FRAT1: variants seen among roughly 807,000 people sequenced by gnomAD.
FRAT1 encodes FRAT regulator of Wnt signaling pathway 1.
A neutral mutation model predicts 16.9 loss-of-function variants in FRAT1; 9 were observed. The observed-to-expected ratio is 0.53, with a 90% CI of 0.32 to 0.93. The LOEUF (loss-of-function observed/expected upper bound fraction) is 0.93. FRAT1 is among the 40% of genes least tolerant of loss of function. The pLI is 0.04. For synonymous variants in FRAT1, 191 were observed against 202.1 expected (o/e 0.95, Z 0.46); for missense variants, 354 against 402.8 (o/e 0.88, Z 1.04).
At position 97,321,639 on chromosome 10, in the gene FRAT1, T is replaced by A. The variant is rs780550651; in HGVS notation, c.*1346T>A. ...GAAGTGCTTGGAACATACTGTTCAC[T>A]CACTCTAAAGGCGCTGAGACTGTGC... On this transcript the variant is annotated 3_prime_UTR_variant, in exon 1 of 1. Transcript: ENST00000371021. 2 of 167,124 alleles carry A rather than the reference T, an allele frequency of 1.2e-5. No homozygotes were observed. The highest frequency in any genetic ancestry group is 2.9e-5 in the Non-Finnish European group (2 of 68,136). 10.4% of individuals were successfully genotyped at this position (167,124 alleles called of 1,614,324 possible).
At position 97,319,819 on chromosome 10, in the gene FRAT1, G is replaced by A. The variant is rs1182025126; in HGVS notation, c.366G>A (p.Arg122=). The A allele has an allele frequency of 1.4e-6, 2 of 1,384,080 alleles. No individual in the cohort carries two copies. The highest frequency in any genetic ancestry group is 6.1e-5 in the East Asian group (2 of 32,740). The allele number at this position is 1,384,080 out of a possible 1,614,324, so 85.7% of individuals were successfully genotyped here. ...CCCTGGGGGACCGCGGCCGCGTGCG[G>A]GGCCGCGCTGCGCCCTACTGCGTGG... ...RCALGDRGRV[R]GRAAPYCVAE... The change falls in exon 1 of 1, where the codon CGG becomes CGA. Residue 122 remains arginine (R), a synonymous_variant. Transcript: ENST00000371021.
Position 97,319,423 on chromosome 10 carries a change from C to G in FRAT1, c.-31C>G, listed in dbSNP as rs1589393262. The G allele has an allele frequency of 1.5e-6, 2 of 1,347,010 alleles. No homozygotes were observed. The highest frequency in any genetic ancestry group is 6.3e-5 in the East Asian group (2 of 31,998). 83.4% of individuals were successfully genotyped at this position (1,347,010 alleles called of 1,614,324 possible). A position where few individuals can be genotyped will look rare whatever the true frequency, so the allele number is the denominator to read the frequency against. On this transcript the variant is annotated 5_prime_UTR_variant, in exon 1 of 1. Transcript: ENST00000371021. ...CGGCAGCCGAGCCCCCAGCGACGCCCGCACAGCTCCGGGTGCCCAGACAGG... is the reference window on the plus strand; with the variant it reads ...CGGCAGCCGAGCCCCCAGCGACGCCGGCACAGCTCCGGGTGCCCAGACAGG...
At position 97,319,882 on chromosome 10, in the gene FRAT1, G is replaced by GC. The variant is rs1414229822; in HGVS notation, c.434dup (p.Gln146SerfsTer5). 26 of 1,526,320 alleles carry GC rather than the reference G, an allele frequency of 1.7e-5. No homozygotes were observed. The highest frequency in any genetic ancestry group is 2.0e-5 in the Non-Finnish European group (23 of 1,143,512). The allele number at this position is 1,526,320 out of a possible 1,614,324, so 94.5% of individuals were successfully genotyped here. On this transcript the variant is annotated frameshift_variant, in exon 1 of 1. Transcript: ENST00000371021. LOFTEE classifies it high-confidence loss of function. ...CAGGCCCCAGCGCGCTGTCCCCACT[G>GC]CCCCCTCAGGCCGACCTTGATGGGC...
chr10:97,319,311 G>A lies in FRAT1; in HGVS notation c.-143G>A, dbSNP rs1190481850. 3 of 1,124,958 alleles carry A rather than the reference G, an allele frequency of 2.7e-6. No homozygotes were observed. The allele number at this position is 1,124,958 out of a possible 1,614,324, so 69.7% of individuals were successfully genotyped here. A position where few individuals can be genotyped will look rare whatever the true frequency, so the allele number is the denominator to read the frequency against. ...CAGGCGCGCGGCTAGAGTGCCTGGCGGGCTCCGGCTTCCGCGTCCGCCCCG... is the reference window on the plus strand; with the variant it reads ...CAGGCGCGCGGCTAGAGTGCCTGGCAGGCTCCGGCTTCCGCGTCCGCCCCG... On this transcript the variant is annotated 5_prime_UTR_variant, in exon 1 of 1. Coordinates refer to ENST00000371021, the MANE Select transcript of FRAT1 (RefSeq NM_005479.4).
chr10:97,320,095 G>A lies in FRAT1; in HGVS notation c.642G>A (p.Lys214=). 3 of 1,603,880 alleles carry A rather than the reference G, an allele frequency of 1.9e-6. No individual in the cohort carries two copies. The highest frequency in any genetic ancestry group is 2.6e-6 in the Non-Finnish European group (3 of 1,175,772). The part of the protein sequence containing the change: ...QQLVLSGNLI[K]EAVRRLHSRR... Reference sequence around the variant, plus strand: ...TAGTGCTCTCTGGAAACCTCATCAAGGAGGCCGTGCGAAGGCTTCATTCGC... The same window carrying A: ...TAGTGCTCTCTGGAAACCTCATCAAAGAGGCCGTGCGAAGGCTTCATTCGC... The change falls in exon 1 of 1, where the codon AAG becomes AAA. Residue 214 remains lysine (K), a synonymous_variant. Coordinates refer to ENST00000371021, the MANE Select transcript of FRAT1 (RefSeq NM_005479.4).
Position 97,320,370 on chromosome 10 carries a change from G to C in FRAT1, c.*77G>C. 1 of 1,298,946 alleles carries C rather than the reference G, an allele frequency of 7.7e-7. No individual in the cohort carries two copies. The highest frequency in any genetic ancestry group is 1.0e-6 in the Non-Finnish European group (1 of 967,154). The allele number at this position is 1,298,946 out of a possible 1,614,324, so 80.5% of individuals were successfully genotyped here. A position where few individuals can be genotyped will look rare whatever the true frequency, so the allele number is the denominator to read the frequency against. On this transcript the variant is annotated 3_prime_UTR_variant, in exon 1 of 1. Transcript: ENST00000371021. ...CCTTGAGGGCTGCAGTTCTACTCAG[G>C]CTGGTGGAGAACTCTGGCTTTTGGA...
chr10:97,320,591 T>G lies in FRAT1; in HGVS notation c.*298T>G. The G allele has an allele frequency of 8.2e-6, 3 of 366,798 alleles. No individual in the cohort carries two copies. The highest frequency in any genetic ancestry group is 5.0e-5 in the East Asian group (1 of 19,890). 22.7% of individuals were successfully genotyped at this position (366,798 alleles called of 1,614,324 possible). A position where few individuals can be genotyped will look rare whatever the true frequency, so the allele number is the denominator to read the frequency against. ...CCCGACCTGGCCGCGGAGCCTGCAT[T>G]TCCTCGCAGCCTCTCAGTGCCCTCC... On this transcript the variant is annotated 3_prime_UTR_variant, in exon 1 of 1. Coordinates refer to ENST00000371021, the MANE Select transcript of FRAT1 (RefSeq NM_005479.4).
rs902759631 is a variant in FRAT1, at chr10:97,319,558, C to T, written c.105C>T (p.Gly35=). Residue 35 remains glycine (G), a synonymous_variant, in exon 1 of 1, where the codon GGC becomes GGT. Transcript: ENST00000371021. ...TACTGCAGCAGTCAGTGGCGCTGGG[C>T]AGCTCGGGCGAGGTGGACCGGCTGG... ...FLLLQQSVAL[G]SSGEVDRLVA... The T allele has an allele frequency of 4.2e-5, 62 of 1,471,502 alleles. No individual in the cohort carries two copies. In the African/African-American group the frequency reaches 8.6e-4, roughly 20 times the overall value. 91.2% of individuals were successfully genotyped at this position (1,471,502 alleles called of 1,614,324 possible).
chr10:97,320,297 G>C lies in FRAT1; in HGVS notation c.*4G>C. The C allele has an allele frequency of 6.4e-7, 1 of 1,556,678 alleles. No individual in the cohort carries two copies. The highest frequency in any genetic ancestry group is 8.7e-7 in the Non-Finnish European group (1 of 1,150,800). On this transcript the variant is annotated 3_prime_UTR_variant, in exon 1 of 1. Transcript: ENST00000371021. Reference sequence around the variant, plus strand: ...CGTTCTTGTGCCTGGCAGCTAACACGCCCGGGGTGGCCACAGCGCCAGCCT... The same window carrying C: ...CGTTCTTGTGCCTGGCAGCTAACACCCCCGGGGTGGCCACAGCGCCAGCCT...
Position 97,319,579 on chromosome 10 carries a change from G to T in FRAT1, c.126G>T (p.Arg42=). Residue 42 remains arginine, a synonymous_variant, in exon 1 of 1, where the codon CGG becomes CGT. Transcript: ENST00000371021. ...TGGGCAGCTCGGGCGAGGTGGACCG[G>T]CTGGTGGCCCAGATCGGCGAGACGC... ...VALGSSGEVD[R]LVAQIGETLQ... The T allele has an allele frequency of 6.9e-7, 1 of 1,459,332 alleles. No homozygotes were observed. 90.4% of individuals were successfully genotyped at this position (1,459,332 alleles called of 1,614,324 possible).
Position 97,319,489 on chromosome 10 carries a change from C to T in FRAT1, c.36C>T (p.Gly12=). The T allele has an allele frequency of 6.8e-7, 1 of 1,472,858 alleles. No homozygotes were observed. The highest frequency in any genetic ancestry group is 9.0e-7 in the Non-Finnish European group (1 of 1,114,804). 91.2% of individuals were successfully genotyped at this position (1,472,858 alleles called of 1,614,324 possible). ...PCRREEEEEA[G]EEAEGEEEEE... ...GGAGGGAGGAGGAAGAGGAAGCCGG[C>T]GAGGAGGCGGAGGGGGAGGAAGAGG... The change falls in exon 1 of 1, where the codon GGC becomes GGT. Residue 12 remains glycine, a synonymous_variant. Transcript: ENST00000371021.
rs1472952389 is a variant in FRAT1 at position 97,320,876 on chromosome 10, TA to T, written c.*585del. 6.0e-6 allele frequency: 1 copy of T among 166,552 alleles called. No individual in the cohort carries two copies. Among genetic ancestry groups the T allele is most frequent in the East Asian group, 1.9e-4 (1 of 5,144 alleles). The allele number at this position is 166,552 out of a possible 1,614,324, so 10.3% of individuals were successfully genotyped here. On this transcript the variant is annotated 3_prime_UTR_variant, in exon 1 of 1. Coordinates refer to ENST00000371021, the MANE Select transcript of FRAT1 (RefSeq NM_005479.4). ...GACCCTTTGGGGGTTGAATAGGAGT[TA>T]ACCCCTGCGCTCTCTTTGCAACTGT...
rs2134964228 is a variant in FRAT1 at position 97,321,111 on chromosome 10, CAGGTTCTG to C, written c.*819_*826del. The C allele has an allele frequency of 1.2e-5, 2 of 167,320 alleles. No individual in the cohort carries two copies. Among genetic ancestry groups the C allele is most frequent in the Non-Finnish European group, 2.9e-5 (2 of 68,186 alleles). The allele number at this position is 167,320 out of a possible 1,614,324, so 10.4% of individuals were successfully genotyped here. A position where few individuals can be genotyped will look rare whatever the true frequency, so the allele number is the denominator to read the frequency against. On this transcript the variant is annotated 3_prime_UTR_variant, in exon 1 of 1. Transcript: ENST00000371021. ...GCACTGGGTTGCGGGACAGAGTAGC[CAGGTTCTG>C]CCGGTGCTCGGAGAAGAGCGCAGTG... is the stretch of plus-strand genomic sequence containing the variant.
rs1363154331 is a variant in FRAT1, at chr10:97,319,446, AG to A, written c.-3del. 2.1e-6 allele frequency: 3 copies of A among 1,409,156 alleles called. No individual in the cohort carries two copies. Among genetic ancestry groups the A allele is most frequent in the Non-Finnish European group, 2.8e-6 (3 of 1,077,780 alleles). 87.3% of individuals were successfully genotyped at this position (1,409,156 alleles called of 1,614,324 possible). A position where few individuals can be genotyped will look rare whatever the true frequency, so the allele number is the denominator to read the frequency against. ...CCCGCACAGCTCCGGGTGCCCAGAC[AG>A]GGGGCCATGCCGTGCCGGAGGGAGG... On this transcript the variant is annotated 5_prime_UTR_variant, in exon 1 of 1. Coordinates refer to ENST00000371021, the MANE Select transcript of FRAT1 (RefSeq NM_005479.4).
chr10:97,321,180 G>C lies in FRAT1; in HGVS notation c.*887G>C, dbSNP rs548660817. 6.0e-6 allele frequency: 1 copy of C among 166,782 alleles called. No homozygotes were observed. The highest frequency in any genetic ancestry group is 2.4e-5 in the African/African-American group (1 of 41,598). 10.3% of individuals were successfully genotyped at this position (166,782 alleles called of 1,614,324 possible). On this transcript the variant is annotated 3_prime_UTR_variant, in exon 1 of 1. Transcript: ENST00000371021. ...GCTGGAGTCTCCTGAGGACACGCGC[G>C]TCGCCGCCACCGCGGGTGTGGGAAA...
chr10:97,320,219 G>A lies in FRAT1; in HGVS notation c.766G>A (p.Ala256Thr), dbSNP rs1430372352. Residue 256 changes from alanine to threonine, a missense_variant, in exon 1 of 1, where the codon GCC (alanine) becomes ACC (threonine). By Grantham distance (58) the Ala-to-Thr change is moderately conservative. This residue lies in a region of FRAT1 where 286 missense variants were observed against 311.0 expected (regional missense o/e 0.92). Transcript: ENST00000371021. ...CCCTTCGCCTCGCAGCCCTCGCGCG[G>A]CCTGCAGTGACCCTGGCGCCTCCGG... ...EPPSPRSPRA[A>T]CSDPGASGRA... 6.2e-7 allele frequency: 1 copy of A among 1,607,186 alleles called. No homozygotes were observed. The highest frequency in any genetic ancestry group is 1.3e-5 in the African/African-American group (1 of 74,574).
chr10:97,319,686 C>T lies in FRAT1; in HGVS notation c.233C>T (p.Ala78Val). The T allele has an allele frequency of 8.5e-7, 1 of 1,173,878 alleles. No homozygotes were observed. The highest frequency in any genetic ancestry group is 1.1e-6 in the Non-Finnish European group (1 of 952,132). 72.7% of individuals were successfully genotyped at this position (1,173,878 alleles called of 1,614,324 possible). Residue 78 changes from alanine to valine, a missense_variant, in exon 1 of 1, where the codon GCT becomes GTT. Physicochemically the swap from Ala to Val is moderately conservative, Grantham distance 64. Around this residue, in one of 3 missense-constraint regions of FRAT1, gnomAD observed 286 missense variants for 311.0 expected, o/e 0.92. Coordinates refer to ENST00000371021, the MANE Select transcript of FRAT1 (RefSeq NM_005479.4). ...CCGCTGCGGGCCCCGGGGCCCCTGGCTGCGGCGGTGCCGGCGGACAAGGCC... is the reference window on the plus strand; with the variant it reads ...CCGCTGCGGGCCCCGGGGCCCCTGGTTGCGGCGGTGCCGGCGGACAAGGCC... ...GAPLRAPGPL[A>V]AAVPADKARS...
At position 97,320,017 on chromosome 10, in the gene FRAT1, C is replaced by G; in HGVS notation, c.564C>G (p.Ser188=). Residue 188 remains serine, a synonymous_variant, in exon 1 of 1, where the codon TCC becomes TCG. Transcript: ENST00000371021. ...GCCGCCTGCAGCAGCGACGCGGGTC[C>G]CAACCAGAAACCCGCACAGGCGACG... is the stretch of plus-strand genomic sequence containing the variant. ...ASRRLQQRRG[S]QPETRTGDDD... is the part of the protein sequence containing the mutation. 4 of 1,560,298 alleles carry G rather than the reference C, an allele frequency of 2.6e-6. No homozygotes were observed. The highest frequency in any genetic ancestry group is 2.3e-5 in the South Asian group (2 of 85,400).
chr10:97,319,850 C>A lies in FRAT1; in HGVS notation c.397C>A (p.Leu133Ile), dbSNP rs1843442974. ...CGCTGCGCCCTACTGCGTGGCCGAG[C>A]TCGCCACAGGCCCCAGCGCGCTGTC... ...GRAAPYCVAE[L>I]ATGPSALSPL... is the part of the protein sequence containing the mutation. The change falls in exon 1 of 1, where the codon CTC (leucine) becomes ATC (isoleucine). Residue 133 changes from leucine (L) to isoleucine (I), a missense_variant. By Grantham distance (5) the Leu-to-Ile change is conservative. Around this residue, in one of 3 missense-constraint regions of FRAT1, gnomAD observed 286 missense variants for 311.0 expected, o/e 0.92. Transcript: ENST00000371021. 4 of 1,489,418 alleles carry A rather than the reference C, an allele frequency of 2.7e-6. No individual in the cohort carries two copies. Among genetic ancestry groups the A allele is most frequent in the East Asian group, 2.7e-5 (1 of 37,124 alleles). 92.3% of individuals were successfully genotyped at this position (1,489,418 alleles called of 1,614,324 possible).
Sources: gnomAD v4.1 joint callset for allele counts on GRCh38, gnomAD v4.1.1 for gene constraint, gnomAD v4.1.1 regional missense constraint, MANE v1.5 for transcripts, NCBI Gene and HGNC (gene_info 2026-07-23, HGNC 2026-07-21) for gene names.